The following OPRM1 variants were observed in gnomAD, a reference collection of about 807,000 sequenced individuals.
The protein encoded by OPRM1 is opioid receptor mu 1, also known as mu-type opioid receptor.
OPRM1 carries 27 observed loss-of-function variants against 31.8 expected under a neutral mutation model. The observed-to-expected ratio is 0.85, with a 90% CI of 0.63 to 1.17. The LOEUF is 1.17. Ranked by LOEUF, OPRM1 falls within the 50% of genes most tolerant of loss-of-function variation. The pLI, the probability that OPRM1 is intolerant of heterozygous loss-of-function variation, is 0.00. For missense variants in OPRM1, 536 were observed against 511.1 expected (o/e 1.05, Z -0.47); for synonymous variants, 196 against 189.9 (o/e 1.03, Z -0.26).
At chr6:154,193,137 AGTG>A (rs1364866327) in intron 3 of OPRM1, among the ~76,000 whole-genome samples, 2 of 152,220 alleles carry the variant, frequency 1.3e-5, no homozygotes, top group Non-Finnish European at 2.9e-5. Context: ...TCAGTCAACA[AGTG>A]GATAAAGAAA....
chr6:154,081,377 G>A (rs1399121570), intron 1 of OPRM1, among the ~76,000 whole-genome samples: 1 of 152,138 alleles, frequency 6.6e-6, no homozygotes, highest in Non-Finnish European at 1.5e-5. Flanking sequence ...GTGGTGGCGG[G>A]CGCCTGTAGT....
At position 154,082,416 on chromosome 6, in the gene OPRM1, C is replaced by T. The variant is rs557223534; in HGVS notation, c.291-7410C>T. Reference sequence around the variant, plus strand: ...TAAGCCTCATATTTGTTGTACTAAGCGCAGTAAAAAATAATTTTACTAGTA... The same window carrying T: ...TAAGCCTCATATTTGTTGTACTAAGTGCAGTAAAAAATAATTTTACTAGTA... On this transcript the variant is annotated intron_variant, in intron 1 of 3. Transcript: ENST00000330432. 3.3e-4 allele frequency among the ~76,000 whole-genome samples: 50 copies of T among 152,044 alleles called. 1 individual carries two copies. The highest frequency in any genetic ancestry group is 1.4e-3 in the Admixed American group (22 of 15,274).
At chr6:154,156,379 C>T (rs931669098) in intron 3 of OPRM1, 1 of 152,244 alleles carries the variant, frequency 6.6e-6, no homozygotes, top group Non-Finnish European at 1.5e-5. Flanking sequence ...GTGCCAACAG[C>T]AACTTCACAA....
At chr6:154,140,952 G>A (rs1006245091) in intron 3 of OPRM1, among the ~76,000 whole-genome samples, 8 of 152,154 alleles carry the variant, frequency 5.3e-5, no homozygotes, top group African/African-American at 1.7e-4. Context: ...AATGACTCAC[G>A]TATGGCCCCA....
At chr6:154,193,872 CA>C (rs1230418817) in intron 3 of OPRM1, among the ~76,000 whole-genome samples, 1 of 152,200 alleles carries the variant, frequency 6.6e-6, no homozygotes, top group African/African-American at 2.4e-5. Context: ...ATACTCTATA[CA>C]GACAAAAAGT....
At position 154,127,722 on chromosome 6, in the gene OPRM1, C is replaced by T. The variant is rs567948435; in HGVS notation, c.*9001C>T. Among the ~76,000 whole-genome samples the T allele has an allele frequency of 1.9e-4, 29 of 152,324 alleles. No homozygotes were observed. The highest frequency in any genetic ancestry group is 6.7e-4 in the African/African-American group (28 of 41,580). ...AATATCCTGACTAGCACAAGAAATC[C>T]ATAGGTTGATTCTTGTTCTCCTGCA... On this transcript the variant is annotated 3_prime_UTR_variant, in exon 4 of 4. Transcript: ENST00000330432.
At chr6:154,118,652 T>C (rs1284056873) in intron 3 of OPRM1, 31 bp from the exon 4 acceptor site, 1 of 1,609,272 alleles carries the variant, frequency 6.2e-7, no homozygotes, top group East Asian at 2.2e-5. Flanking sequence ...ATCTGAAATG[T>C]TCACTGTCTT....
chr6:154,163,473 T>G (rs1799187289), intron 3 of OPRM1, among the ~76,000 whole-genome samples: 1 of 152,234 alleles, frequency 6.6e-6, no homozygotes, highest in Non-Finnish European at 1.5e-5. Context: ...CCCTTTTCTA[T>G]TCTTTATCAA....
chr6:154,167,132 A>G (rs1162384026), intron 3 of OPRM1, among the ~76,000 whole-genome samples: 1 of 152,214 alleles, frequency 6.6e-6, no homozygotes, highest in Non-Finnish European at 1.5e-5. Flanking sequence ...CCACAGACAA[A>G]ACAAAATTCA....
In OPRM1 at chr6:154,107,740, G is replaced by A. The variant is rs1160455955; in HGVS notation, c.1165-10943G>A. ...AGAGACTTCATCCAGTTTTTTTGTT[G>A]GTTTCAGGGACCTCCAGCCAAGTTT... On this transcript the variant is annotated intron_variant, in intron 3 of 3. Transcript: ENST00000330432. 2.8e-6 allele frequency: 2 copies of A among 718,284 alleles called. No individual in the cohort carries two copies. The highest frequency in any genetic ancestry group is 2.7e-5 in the East Asian group (1 of 37,292). 44.5% of individuals were successfully genotyped at this position (718,284 alleles called of 1,614,324 possible). A position where few individuals can be genotyped will look rare whatever the true frequency, so the allele number is the denominator to read the frequency against.
chr6:154,194,572 G>T (rs565333932), intron 3 of OPRM1, among the ~76,000 whole-genome samples: 2 of 151,934 alleles, frequency 1.3e-5, no homozygotes, highest in Admixed American at 1.3e-4. Context: ...CTAAGCTTAC[G>T]TACCTCCAAA....
rs138188135 is a variant in OPRM1 at position 154,119,934 on chromosome 6, G to A, written c.*1213G>A. 5.9e-4 allele frequency among the ~76,000 whole-genome samples: 90 copies of A among 152,136 alleles called. 1 individual carries two copies. The highest frequency in any genetic ancestry group is 2.3e-3 in the South Asian group (11 of 4,824). ...GTCAAGATTTCCTTTGTAAAGTGTC[G>A]ATCTTCTAAGTAGTTTCTTTAAGAC... On this transcript the variant is annotated 3_prime_UTR_variant, in exon 4 of 4. Transcript: ENST00000330432.
chr6:154,226,169 C>G (rs1047996877), intron 3 of OPRM1, among the ~76,000 whole-genome samples: 2 of 152,148 alleles, frequency 1.3e-5, no homozygotes, highest in African/African-American at 4.8e-5. Flanking sequence ...TATGGATGAT[C>G]ATACACACCC....
intron 3 of OPRM1, among the ~76,000 whole-genome samples, chr6:154,198,631 TAC>T (rs3070838): frequency 0.07 from 10,238 of 146,600 alleles, 828 homozygotes; most frequent in African/African-American, 0.2. Context: ...AAATATTACA[TAC>T]ACACACACAC....
chr6:154,086,208 G>A (rs192282176), intron 1 of OPRM1, among the ~76,000 whole-genome samples: 48 of 152,210 alleles, frequency 3.2e-4, no homozygotes, highest in African/African-American at 1.1e-3. Flanking sequence ...GAGGCAATTG[G>A]AATTCTTAAT....
At chr6:154,244,413 C>T (rs562029612) in intron 3 of OPRM1, among the ~76,000 whole-genome samples, 1 of 151,874 alleles carries the variant, frequency 6.6e-6, no homozygotes, top group African/African-American at 2.4e-5. Flanking sequence ...TAGTTTAATC[C>T]TATAGTTCCC....
rs1797918899 is a variant in OPRM1 at position 154,131,941 on chromosome 6, GGT to G, written c.*13221_*13222del. ...TCTGGGAGTTTTTCTATAAGTTTTTGGTTTTTTTTTTTTTTTCTCTTCATTAG... is the reference window on the plus strand; with the variant it reads ...TCTGGGAGTTTTTCTATAAGTTTTTGTTTTTTTTTTTTTTCTCTTCATTAG... On this transcript the variant is annotated 3_prime_UTR_variant, in exon 4 of 4. Coordinates refer to ENST00000330432, the MANE Select transcript of OPRM1 (RefSeq NM_000914.5). 9.3e-6 allele frequency among the ~76,000 whole-genome samples: 1 copy of G among 107,992 alleles called. No individual in the cohort carries two copies. Among genetic ancestry groups the G allele is most frequent in the African/African-American group, 3.3e-5 (1 of 30,184 alleles). The allele number at this position is 107,992 out of a possible 152,430, so 70.8% of individuals were successfully genotyped here.
intron 3 of OPRM1, among the ~76,000 whole-genome samples, chr6:154,230,653 T>G (rs562834427): frequency 1.3e-5 from 2 of 152,336 alleles, no homozygotes; most frequent in South Asian, 4.1e-4. Flanking sequence ...TATAGGAAAC[T>G]GTCATGTAGT....
At chr6:154,084,433 A>G (rs1003891375) in intron 1 of OPRM1, among the ~76,000 whole-genome samples, 2 of 152,078 alleles carry the variant, frequency 1.3e-5, no homozygotes, top group African/African-American at 4.8e-5. Flanking sequence ...ACACACACAC[A>G]CACACTCACA....
Sources: gnomAD v4.1 joint callset for allele counts (sites outside exome capture counted in the v4.1 genomes callset) on GRCh38, gnomAD v4.1.1 for gene constraint, MANE v1.5 for transcripts, NCBI Gene and HGNC (gene_info 2026-07-23, HGNC 2026-07-21) for gene names.